SIPA1L2: variants seen among roughly 807,000 people sequenced by gnomAD.
SIPA1L2 encodes signal-induced proliferation-associated 1-like protein 2.
In SIPA1L2, 56 loss-of-function variants were observed where a neutral mutation model predicts 163.9. The observed-to-expected ratio is 0.34, with a 90% CI of 0.28 to 0.43. The LOEUF (loss-of-function observed/expected upper bound fraction) is 0.43. Ranked by LOEUF, SIPA1L2 falls within the 20% of genes least tolerant of loss-of-function variation. The pLI is 1.00. For missense variants in SIPA1L2, 1,974 were observed against 2,193.5 expected (o/e 0.90, Z 2.00); for synonymous variants, 877 against 865.7 (o/e 1.01, Z -0.23).
At chr1:232,610,492 C>CAA (rs377368619) in intron 1 of SIPA1L2, among the ~76,000 whole-genome samples, 208 of 152,346 alleles carry the variant, frequency 1.4e-3, no homozygotes, top group African/African-American at 4.8e-3. Context: ...ATGTGCCTTA[C>CAA]TTATTTATGT....
At chr1:232,517,335 A>T (rs1667261741) in intron 2 of SIPA1L2, among the ~76,000 whole-genome samples, 2 of 152,230 alleles carry the variant, frequency 1.3e-5, no homozygotes, top group Non-Finnish European at 2.9e-5. Flanking sequence ...GGAGTCAAAA[A>T]GGAACATGCT....
rs5781699 is a variant in SIPA1L2 at position 232,487,919 on chromosome 1, TACACACACAC to T, written c.1806+2945_1806+2954del. 2.5e-4 allele frequency among the ~76,000 whole-genome samples: 36 copies of T among 144,294 alleles called. No individual in the cohort carries two copies. In the East Asian group the frequency reaches 4.7e-3, roughly 19 times the overall value. 94.7% of individuals were successfully genotyped at this position (144,294 alleles called of 152,430 possible). On this transcript the variant is annotated intron_variant, in intron 5 of 22. Coordinates refer to ENST00000674635, the MANE Select transcript of SIPA1L2 (RefSeq NM_020808.5). Reference sequence around the variant, plus strand: ...AAACTAACAATATATGTAATTAGGTTACACACACACACACACACACACACACACACACACA... The same window carrying T: ...AAACTAACAATATATGTAATTAGGTTACACACACACACACACACACACACA...
chr1:232,449,906 T>G (rs1663467552), intron 10 of SIPA1L2, among the ~76,000 whole-genome samples: 1 of 152,180 alleles, frequency 6.6e-6, no homozygotes, highest in Admixed American at 6.5e-5. Context: ...CTTGTAAAAT[T>G]CTGGGTGAAA....
At chr1:232,578,286 C>T (rs1029217570) in intron 1 of SIPA1L2, among the ~76,000 whole-genome samples, 1 of 151,932 alleles carries the variant, frequency 6.6e-6, no homozygotes, top group African/African-American at 2.4e-5. Context: ...GTGTGACTTG[C>T]TATACTGCAA....
chr1:232,423,736 T>C lies in SIPA1L2; in HGVS notation c.4630+1853A>G, dbSNP rs146817981. ...TGCCTTTGAACACATTAAAAAAGGA[T>C]ACAGTTCTCCAGTATATGACTAAAC... On this transcript the variant is annotated intron_variant, in intron 18 of 22. Transcript: ENST00000674635. Among the ~76,000 whole-genome samples, 6 of 152,318 alleles carry C rather than the reference T, an allele frequency of 3.9e-5. No individual in the cohort carries two copies. The East Asian group carries it at 9.7e-4, about 25-fold the overall frequency.
chr1:232,508,173 G>A (rs189802266), intron 3 of SIPA1L2, among the ~76,000 whole-genome samples: 2 of 152,230 alleles, frequency 1.3e-5, no homozygotes, highest in East Asian at 1.9e-4. Flanking sequence ...CAACGTTCCC[G>A]AAGGCTCAGA....
At chr1:232,491,505 ATT>A in intron 4 of SIPA1L2, among the ~76,000 whole-genome samples, 1 of 151,960 alleles carries the variant, frequency 6.6e-6, no homozygotes, top group Non-Finnish European at 1.5e-5. Context: ...CTTACATTTA[ATT>A]TTCCATAATG....
At chr1:232,512,597 T>G (rs778690606) in intron 3 of SIPA1L2, among the ~76,000 whole-genome samples, 4 of 152,168 alleles carry the variant, frequency 2.6e-5, no homozygotes, top group Non-Finnish European at 4.4e-5. Flanking sequence ...GAAACCATCA[T>G]TCTCAGCAAA....
At chr1:232,522,390 C>T (rs1042033543) in intron 2 of SIPA1L2, among the ~76,000 whole-genome samples, 1 of 152,066 alleles carries the variant, frequency 6.6e-6, no homozygotes, top group Non-Finnish European at 1.5e-5. Context: ...GTATTTATTT[C>T]CTGCCTTACT....
rs759596795 is a variant in SIPA1L2 at position 232,445,741 on chromosome 1, G to C, written c.3141C>G (p.Leu1047=). ...LCRIPMVEYK[L]DSEGTPCEYK... ...ACTCGCAGGGGGTGCCCTCGCTGTC[G>C]AGTTTATATTCCACCATAGGGATCC... The change falls in exon 11 of 23, where the codon CTC becomes CTG. Residue 1047 remains leucine, a synonymous_variant. Coordinates refer to ENST00000674635, the MANE Select transcript of SIPA1L2 (RefSeq NM_020808.5). 6 of 1,613,644 alleles carry C rather than the reference G, an allele frequency of 3.7e-6. No individual in the cohort carries two copies. The highest frequency in any genetic ancestry group is 2.2e-5 in the South Asian group (2 of 91,024).
intron 1 of SIPA1L2, among the ~76,000 whole-genome samples, chr1:232,604,464 G>T (rs1416155130): frequency 5.9e-5 from 9 of 152,186 alleles, no homozygotes. Context: ...ACTTGACAAA[G>T]CACTTTCACA....
chr1:232,401,317 TG>T (rs1305708953), intron 22 of SIPA1L2, among the ~76,000 whole-genome samples: 1 of 152,116 alleles, frequency 6.6e-6, no homozygotes, highest in Non-Finnish European at 1.5e-5. Context: ...TCACCCAAGC[TG>T]GGGAAAAAAC....
intron 2 of SIPA1L2, among the ~76,000 whole-genome samples, chr1:232,523,361 T>A (rs1415388587): frequency 1.3e-5 from 2 of 152,170 alleles, no homozygotes; most frequent in African/African-American, 2.4e-5. Flanking sequence ...CCTCACCTCC[T>A]TCTCTCAGGA....
intron 2 of SIPA1L2, among the ~76,000 whole-genome samples, chr1:232,544,538 C>A (rs1475292797): frequency 2.1e-5 from 3 of 145,284 alleles, no homozygotes; most frequent in Admixed American, 7.0e-5. Flanking sequence ...CCAGCCTGGG[C>A]GACAGAGCGA....
At chr1:232,601,702 C>T (rs746998416) in intron 1 of SIPA1L2, among the ~76,000 whole-genome samples, 2 of 152,148 alleles carry the variant, frequency 1.3e-5, no homozygotes, top group Non-Finnish European at 2.9e-5. Flanking sequence ...CCCCAACACA[C>T]CAAACGCCAA....
At chr1:232,400,888 C>T (rs1660296903) in intron 22 of SIPA1L2, among the ~76,000 whole-genome samples, 1 of 152,150 alleles carries the variant, frequency 6.6e-6, no homozygotes, top group African/African-American at 2.4e-5. Context: ...CAAGTTCCTA[C>T]TTCTTGACCA....
intron 3 of SIPA1L2, among the ~76,000 whole-genome samples, chr1:232,496,770 T>C (rs1018907919): frequency 1.3e-5 from 2 of 152,182 alleles, no homozygotes; most frequent in African/African-American, 2.4e-5. Flanking sequence ...ATGCTGACAA[T>C]AACTTTCGTT....
intron 1 of SIPA1L2, among the ~76,000 whole-genome samples, chr1:232,602,671 T>A (rs1041072770): frequency 2.5e-4 from 38 of 152,228 alleles, no homozygotes; most frequent in African/African-American, 8.4e-4. Context: ...CATAACTAGA[T>A]GACTGTTTCC....
intron 2 of SIPA1L2, among the ~76,000 whole-genome samples, chr1:232,566,985 T>C (rs1319748973): frequency 6.6e-6 from 1 of 152,214 alleles, no homozygotes; most frequent in Non-Finnish European, 1.5e-5. Context: ...TTGGTTTTTC[T>C]CCTAACTGCC....
Sources: gnomAD v4.1 joint callset for allele counts (sites outside exome capture counted in the v4.1 genomes callset) on GRCh38, gnomAD v4.1.1 for gene constraint, MANE v1.5 for transcripts, NCBI Gene and HGNC (gene_info 2026-07-23, HGNC 2026-07-21) for gene names.